TIAM2: variants seen among roughly 807,000 people sequenced by gnomAD.
TIAM2 encodes TIAM Rac1 associated GEF 2, also known as rho guanine nucleotide exchange factor TIAM2.
A neutral mutation model predicts 152.9 loss-of-function variants in TIAM2; 80 were observed. That is an observed-to-expected ratio of 0.52 (90% CI 0.44 to 0.63). The LOEUF is 0.63. TIAM2 is among the 30% of genes least tolerant of loss of function. The probability of loss-of-function intolerance (pLI) is 0.00; values close to 1 mark genes in which losing one functional copy is unlikely to be tolerated. For synonymous variants in TIAM2, 804 were observed against 838.0 expected (o/e 0.96, Z 0.70); for missense variants, 1,965 against 2,120.1 (o/e 0.93, Z 1.44).
intron 14 of TIAM2, among the ~76,000 whole-genome samples, chr6:155,209,488 A>C (rs1683220279): frequency 6.6e-6 from 1 of 152,144 alleles, no homozygotes; most frequent in African/African-American, 2.4e-5. Flanking sequence ...CTTCCCGTGC[A>C]GTTAGCTTGT....
chr6:155,057,827 T>C (rs577467577), intron 1 of TIAM2, among the ~76,000 whole-genome samples: 16 of 152,254 alleles, frequency 1.1e-4, no homozygotes, highest in African/African-American at 3.6e-4. Context: ...GTTACAGGCA[T>C]GAGCCACCGC....
At chr6:155,239,928 C>A (rs1443310103) in intron 15 of TIAM2, among the ~76,000 whole-genome samples, 1 of 151,278 alleles carries the variant, frequency 6.6e-6, no homozygotes, top group African/African-American at 2.4e-5. Flanking sequence ...TGCTTCTACT[C>A]CATTACTAGC....
chr6:155,066,714 A>G (rs1327187844), intron 1 of TIAM2, among the ~76,000 whole-genome samples: 1 of 152,112 alleles, frequency 6.6e-6, no homozygotes, highest in African/African-American at 2.4e-5. Context: ...CCTGATAGCT[A>G]ACTGCTATGT....
intron 15 of TIAM2, chr6:155,216,609 G>A (rs1583255281): frequency 6.5e-6 from 1 of 154,660 alleles, no homozygotes; most frequent in Admixed American, 6.4e-5. Context: ...ATGTGCTATT[G>A]TAATAGTTTG....
At chr6:155,015,246 A>G (rs1193026386) in intron 1 of TIAM2, among the ~76,000 whole-genome samples, 3 of 152,148 alleles carry the variant, frequency 2.0e-5, no homozygotes, top group African/African-American at 7.2e-5. Flanking sequence ...TGTGGTAAGG[A>G]TGATGCTACT....
At chr6:155,159,199 T>C (rs745441741) in intron 7 of TIAM2, among the ~76,000 whole-genome samples, 3 of 152,228 alleles carry the variant, frequency 2.0e-5, no homozygotes, top group Non-Finnish European at 2.9e-5. Context: ...TGGTAGGATA[T>C]TGAAATGTAA....
At chr6:155,215,970 G>A (rs546500059) in intron 15 of TIAM2, among the ~76,000 whole-genome samples, 3 of 152,006 alleles carry the variant, frequency 2.0e-5, no homozygotes. Flanking sequence ...ACCATGCCCG[G>A]ATAATTTTGT....
At position 155,248,484 on chromosome 6, in the gene TIAM2, C is replaced by T. The variant is rs143126604; in HGVS notation, c.3832+305C>T. On this transcript the variant is annotated intron_variant, in intron 20 of 26. Transcript: ENST00000682666. The stretch of plus-strand genomic sequence containing the variant: ...AAAATAAGTAAATTACCTCAGGTCA[C>T]GTGGCTGTGAAACAGTGCCGCTGGA... 3.0e-3 allele frequency among the ~76,000 whole-genome samples: 463 copies of T among 152,344 alleles called. 3 individuals are homozygous for T. Among genetic ancestry groups the T allele is most frequent in the Admixed American group, 6.3e-3 (96 of 15,300 alleles).
chr6:155,147,980 T>G, intron 6 of TIAM2, 130 bp from the exon 7 acceptor site: 1 of 867,692 alleles, frequency 1.2e-6, no homozygotes, highest in Non-Finnish European at 1.9e-6. Context: ...AATGTGTTTT[T>G]GAAATTAAGC....
chr6:155,009,693 T>C (rs1286410023), intron 1 of TIAM2, among the ~76,000 whole-genome samples: 1 of 152,020 alleles, frequency 6.6e-6, no homozygotes, highest in Non-Finnish European at 1.5e-5. Context: ...ATATATAATA[T>C]ACAAAAGGGA....
At chr6:155,062,414 A>G (rs971821143) in intron 1 of TIAM2, among the ~76,000 whole-genome samples, 3 of 152,160 alleles carry the variant, frequency 2.0e-5, no homozygotes, top group Admixed American at 1.3e-4. Flanking sequence ...AGACACTGCT[A>G]AACTGTTTTC....
chr6:155,138,448 A>G (rs1412778008), intron 5 of TIAM2, among the ~76,000 whole-genome samples: 1 of 144,928 alleles, frequency 6.9e-6, no homozygotes, highest in Non-Finnish European at 1.5e-5. Context: ...TTTTTTTAAT[A>G]TACTTTAAGT....
intron 1 of TIAM2, among the ~76,000 whole-genome samples, chr6:155,050,660 G>A (rs921430922): frequency 6.6e-6 from 1 of 152,192 alleles, no homozygotes; most frequent in Non-Finnish European, 1.5e-5. Context: ...AAGAAGCTTC[G>A]TGGTCAGCCG....
At chr6:155,102,692 T>C (rs1778578100) in intron 2 of TIAM2, among the ~76,000 whole-genome samples, 1 of 152,066 alleles carries the variant, frequency 6.6e-6, no homozygotes, top group Non-Finnish European at 1.5e-5. Context: ...TTTATTACAG[T>C]CAGGTTTGCA....
chr6:155,116,980 G>C (rs562373791), intron 2 of TIAM2, among the ~76,000 whole-genome samples: 20 of 151,704 alleles, frequency 1.3e-4, no homozygotes, highest in Admixed American at 2.6e-4. Context: ...CCAGGATGTT[G>C]GACAAGTTTT....
At position 155,174,797 on chromosome 6, in the gene TIAM2, C is replaced by T. The variant is rs1780722573; in HGVS notation, c.2362-2019C>T. 1.3e-5 allele frequency among the ~76,000 whole-genome samples: 2 copies of T among 152,218 alleles called. No homozygotes were observed. Among genetic ancestry groups the T allele is most frequent in the South Asian group, 4.1e-4 (2 of 4,834 alleles). The stretch of plus-strand genomic sequence containing the variant: ...CCATAATTACGTTCTTCCTGATCTC[C>T]AAAAGTGCAGCAGTAAATTAATTGC... On this transcript the variant is annotated intron_variant, in intron 9 of 26. Transcript: ENST00000682666. This position sits in a 1 kb window ranked among gnomAD's most constrained non-coding sequence, Gnocchi z 4.2.
intron 1 of TIAM2, among the ~76,000 whole-genome samples, chr6:155,024,022 G>T (rs1776549137): frequency 1.3e-5 from 2 of 152,074 alleles, no homozygotes; most frequent in South Asian, 2.1e-4. Flanking sequence ...TCTGCATGCG[G>T]CTCTCCAGGA....
In TIAM2 at chr6:155,144,396, T is replaced by C. The variant is rs188890042; in HGVS notation, c.1631-210T>C. ...TATTATTTGGTATTGTTATTACTGA[T>C]ATTACATTTACAAAGACATCTCATT... On this transcript the variant is annotated intron_variant, in intron 5 of 26. Transcript: ENST00000682666. Among the ~76,000 whole-genome samples the C allele has an allele frequency of 1.2e-4, 19 of 152,356 alleles. No homozygotes were observed. In the East Asian group the frequency reaches 3.3e-3, roughly 26 times the overall value.
chr6:155,133,466 T>TA (rs767768526), intron 4 of TIAM2, among the ~76,000 whole-genome samples: 9 of 152,106 alleles, frequency 5.9e-5, no homozygotes, highest in African/African-American at 9.7e-5. Context: ...GTCTCTCTGT[T>TA]AAAAAAAGTA....
Sources: allele counts gnomAD v4.1 joint callset (sites outside exome capture counted in the v4.1 genomes callset), GRCh38; gene constraint gnomAD v4.1.1; non-coding constraint Gnocchi (gnomAD v3.1); transcripts MANE v1.5; gene names NCBI Gene and HGNC (gene_info 2026-07-23, HGNC 2026-07-21).